The following ELOVL4 variants were observed in gnomAD, a reference collection of about 807,000 sequenced individuals.
The protein encoded by ELOVL4 is very long chain fatty acid elongase 4.
Under a neutral mutation model 42.1 loss-of-function variants are expected in ELOVL4, and 18 were observed. The ratio of observed to expected loss-of-function variants is 0.43; its 90% confidence interval spans 0.30 to 0.63. The LOEUF (loss-of-function observed/expected upper bound fraction) is 0.63. Among genes scored for constraint, ELOVL4 ranks in the 30% least tolerant of loss-of-function variants. ELOVL4 has a pLI of 0.15. For synonymous variants in ELOVL4, 117 were observed against 127.0 expected (o/e 0.92, Z 0.53); for missense variants, 299 against 376.2 (o/e 0.79, Z 1.70).
At chr6:79,934,079 G>A (rs1449063348) in intron 1 of ELOVL4, among the ~76,000 whole-genome samples, 1 of 152,232 alleles carries the variant, frequency 6.6e-6, no homozygotes, top group Non-Finnish European at 1.5e-5. Flanking sequence ...TTTTGGGACA[G>A]CTAGGTGGAG....
chr6:79,928,035 A>G (rs1774373445), intron 1 of ELOVL4, among the ~76,000 whole-genome samples: 1 of 152,128 alleles, frequency 6.6e-6, no homozygotes, highest in Non-Finnish European at 1.5e-5. Flanking sequence ...TCATTCTATG[A>G]CCATATCTTT....
chr6:79,922,301 A>G (rs1343517492), intron 3 of ELOVL4, among the ~76,000 whole-genome samples: 3 of 151,902 alleles, frequency 2.0e-5, no homozygotes, highest in Non-Finnish European at 4.4e-5. Context: ...GACTGCACCA[A>G]TATGTGCAAC....
intron 1 of ELOVL4, among the ~76,000 whole-genome samples, chr6:79,940,320 T>C (rs948218922): frequency 6.6e-6 from 1 of 152,202 alleles, no homozygotes; most frequent in Non-Finnish European, 1.5e-5. Flanking sequence ...AGGTATTTGT[T>C]TACAAATGGT....
intron 1 of ELOVL4, among the ~76,000 whole-genome samples, chr6:79,937,987 C>G (rs1224912700): frequency 2.6e-5 from 4 of 152,144 alleles, no homozygotes; most frequent in African/African-American, 9.7e-5. Flanking sequence ...CCTCGGCCTC[C>G]CAAAGTGCTG....
intron 3 of ELOVL4, among the ~76,000 whole-genome samples, chr6:79,923,249 T>C (rs1182888871): frequency 6.6e-6 from 1 of 152,190 alleles, no homozygotes; most frequent in Non-Finnish European, 1.5e-5. Flanking sequence ...ATTCACTCTA[T>C]TGCATCCCAT....
In ELOVL4 at chr6:79,916,821, G is replaced by A. The variant is rs1055380093; in HGVS notation, c.732C>T (p.Pro244=). 1.2e-6 allele frequency: 2 copies of A among 1,614,164 alleles called. No individual in the cohort carries two copies. ...CAATTAGAGCCCAGTGCATCCATTTGGGGAAGGGGCAGTCAGTGTAAAGAG... is the reference window on the plus strand; with the variant it reads ...CAATTAGAGCCCAGTGCATCCATTTAGGGAAGGGGCAGTCAGTGTAAAGAG... ...ALSLYTDCPF[P]KWMHWALIAY... The change falls in exon 6 of 6, where the codon CCC becomes CCT. Residue 244 remains proline (P), a synonymous_variant. Transcript: ENST00000369816.
rs542295287 is a variant in ELOVL4 at position 79,934,445 on chromosome 6, A to G, written c.101-8064T>C. The stretch of plus-strand genomic sequence containing the variant: ...GGGTTAAGATGTGATAACTAAATGA[A>G]CCAAAGTATGCGAAGGTTCCTAGCA... On this transcript the variant is annotated intron_variant, in intron 1 of 5. Transcript: ENST00000369816. Among the ~76,000 whole-genome samples, 9 of 152,160 alleles carry G rather than the reference A, an allele frequency of 5.9e-5. 1 individual carries two copies. The East Asian group carries it at 1.7e-3, about 29-fold the overall frequency.
chr6:79,915,977 T>G lies in ELOVL4; in HGVS notation c.*631A>C, dbSNP rs1261937180. 3 of 152,924 alleles carry G rather than the reference T, an allele frequency of 2.0e-5. No homozygotes were observed. Among genetic ancestry groups the G allele is most frequent in the Non-Finnish European group, 4.4e-5 (3 of 68,272 alleles). 9.5% of individuals were successfully genotyped at this position (152,924 alleles called of 1,614,324 possible). ...ATCTCTGGGTCACCAGACAAGACTT[T>G]ACTGCAATTCTTTCTTATTTTCACC... On this transcript the variant is annotated 3_prime_UTR_variant, in exon 6 of 6. Coordinates refer to ENST00000369816, the MANE Select transcript of ELOVL4 (RefSeq NM_022726.4).
At chr6:79,931,302 G>C (rs971693059) in intron 1 of ELOVL4, among the ~76,000 whole-genome samples, 3 of 151,890 alleles carry the variant, frequency 2.0e-5, no homozygotes, top group African/African-American at 7.3e-5. Context: ...ACCTAAACTA[G>C]AATCATAAAA....
chr6:79,919,550 T>C lies in ELOVL4; in HGVS notation c.542-3A>G. On this transcript the variant is annotated splice_polypyrimidine_tract_variant and splice_region_variant and intron_variant, in intron 4 of 5. Transcript: ENST00000369816. ...ATTCAACTGGGCTCCAAAAAATGCT[T>C]TAGAAAAACAACAGGTAATTACAAG... 6.2e-7 allele frequency: 1 copy of C among 1,613,296 alleles called. No homozygotes were observed. Among genetic ancestry groups the C allele is most frequent in the African/African-American group, 1.3e-5 (1 of 75,006 alleles).
At chr6:79,926,437 T>C (rs1339723521) in intron 1 of ELOVL4, 56 bp from the exon 2 acceptor site, 1 of 1,525,664 alleles carries the variant, frequency 6.6e-7, no homozygotes, top group African/African-American at 1.4e-5. Flanking sequence ...TTTTATAAAA[T>C]ACACTTTTTA....
chr6:79,935,404 C>G (rs185180353), intron 1 of ELOVL4, among the ~76,000 whole-genome samples: 4 of 152,124 alleles, frequency 2.6e-5, no homozygotes, highest in Admixed American at 2.6e-4. Context: ...CACCCAAACC[C>G]CTAGAAGAAC....
In ELOVL4 at chr6:79,947,361, G is replaced by C. The variant is rs1774769071; in HGVS notation, c.-82C>G. 1 of 1,117,058 alleles carries C rather than the reference G, an allele frequency of 9.0e-7. No individual in the cohort carries two copies. The allele number at this position is 1,117,058 out of a possible 1,614,324, so 69.2% of individuals were successfully genotyped here. A position where few individuals can be genotyped will look rare whatever the true frequency, so the allele number is the denominator to read the frequency against. On this transcript the variant is annotated 5_prime_UTR_variant, in exon 1 of 6. Coordinates refer to ENST00000369816, the MANE Select transcript of ELOVL4 (RefSeq NM_022726.4). Reference sequence around the variant, plus strand: ...GACCCCGGAGGCGGTGGCGGCCGACGGGGCGAGCGGCGGCCGGGAACCCCT... The same window carrying C: ...GACCCCGGAGGCGGTGGCGGCCGACCGGGCGAGCGGCGGCCGGGAACCCCT...
chr6:79,916,436 A>C lies in ELOVL4; in HGVS notation c.*172T>G, dbSNP rs1310284615. 7 of 711,816 alleles carry C rather than the reference A, an allele frequency of 9.8e-6. No individual in the cohort carries two copies. Among genetic ancestry groups the C allele is most frequent in the Non-Finnish European group, 1.6e-5 (7 of 427,090 alleles). The allele number at this position is 711,816 out of a possible 1,614,324, so 44.1% of individuals were successfully genotyped here. On this transcript the variant is annotated 3_prime_UTR_variant, in exon 6 of 6. Transcript: ENST00000369816. ...TTTAAAATAAAAACTTCATAAATAA[A>C]ACATCTGGGTATGGTATTAACACTT... is the stretch of plus-strand genomic sequence containing the variant.
chr6:79,916,321 C>T lies in ELOVL4; in HGVS notation c.*287G>A, dbSNP rs1774159448. 3 of 391,428 alleles carry T rather than the reference C, an allele frequency of 7.7e-6. No individual in the cohort carries two copies. The highest frequency in any genetic ancestry group is 2.0e-5 in the African/African-American group (1 of 49,234). The allele number at this position is 391,428 out of a possible 1,614,324, so 24.2% of individuals were successfully genotyped here. On this transcript the variant is annotated 3_prime_UTR_variant, in exon 6 of 6. Coordinates refer to ENST00000369816, the MANE Select transcript of ELOVL4 (RefSeq NM_022726.4). Reference sequence around the variant, plus strand: ...TACATGAAAAATCTCATCCTTTAGACAACTGGATGTGAACAGGGGGAGAAT... The same window carrying T: ...TACATGAAAAATCTCATCCTTTAGATAACTGGATGTGAACAGGGGGAGAAT...
chr6:79,947,049 T>G (rs1774757323), intron 1 of ELOVL4, 131 bp downstream of exon 1: 1 of 758,510 alleles, frequency 1.3e-6, no homozygotes, highest in Non-Finnish European at 2.2e-6. Context: ...CGCCGGCCCC[T>G]CCGCTGATCC....
chr6:79,916,486 C>CATAG lies in ELOVL4; in HGVS notation c.*118_*121dup. The CATAG allele has an allele frequency of 9.4e-7, 1 of 1,066,836 alleles. No individual in the cohort carries two copies. The highest frequency in any genetic ancestry group is 1.8e-5 in the Admixed American group (1 of 56,086). 66.1% of individuals were successfully genotyped at this position (1,066,836 alleles called of 1,614,324 possible). A position where few individuals can be genotyped will look rare whatever the true frequency, so the allele number is the denominator to read the frequency against. ...TTACTCAGTCTAAGAGTTACTAGGA[C>CATAG]ATAGAGCACATTTGTCTTTTCTCCC... On this transcript the variant is annotated 3_prime_UTR_variant, in exon 6 of 6. Transcript: ENST00000369816.
intron 4 of ELOVL4, among the ~76,000 whole-genome samples, chr6:79,921,395 A>T (rs1371688384): frequency 8.0e-6 from 1 of 124,836 alleles, no homozygotes; most frequent in Non-Finnish European, 1.6e-5. Flanking sequence ...CGGGAGGTGG[A>T]GGTTGCAGTG....
intron 1 of ELOVL4, among the ~76,000 whole-genome samples, chr6:79,943,840 T>C (rs1208665137): frequency 6.6e-6 from 1 of 152,220 alleles, no homozygotes; most frequent in Non-Finnish European, 1.5e-5. Context: ...CCCTTCTTTC[T>C]GACCCCTCCA....
Sources: gnomAD v4.1 joint callset for allele counts (sites outside exome capture counted in the v4.1 genomes callset) on GRCh38, gnomAD v4.1.1 for gene constraint, MANE v1.5 for transcripts, NCBI Gene and HGNC (gene_info 2026-07-23, HGNC 2026-07-21) for gene names.